TMEM132B: variants seen among roughly 807,000 people sequenced by gnomAD.
The protein encoded by TMEM132B is transmembrane protein 132B.
In TMEM132B, 18 loss-of-function variants were observed where a neutral mutation model predicts 90.8. The observed-to-expected ratio is 0.20, with a 90% CI of 0.14 to 0.29. The LOEUF (loss-of-function observed/expected upper bound fraction) is 0.29. Among genes scored for constraint, TMEM132B ranks in the 10% least tolerant of loss-of-function variants. The probability of loss-of-function intolerance (pLI) is 1.00; values close to 1 mark genes in which losing one functional copy is unlikely to be tolerated. For missense variants in TMEM132B, 1,096 were observed against 1,326.8 expected, an observed-to-expected ratio of 0.83 and a Z score of 2.70; for synonymous variants, 504 against 523.3, an observed-to-expected ratio of 0.96 and a Z score of 0.50.
chr12:125,221,465 C>T (rs115371990), intron 1 of TMEM132B, among the ~76,000 whole-genome samples: 143 of 152,138 alleles, frequency 9.4e-4, no homozygotes, highest in African/African-American at 3.4e-3. Context: ...TCCAGGCCCC[C>T]GAAAAATGTT....
At chr12:125,244,844 G>T (rs11058102) in intron 1 of TMEM132B, among the ~76,000 whole-genome samples, 1 of 152,126 alleles carries the variant, frequency 6.6e-6, no homozygotes, top group African/African-American at 2.4e-5. Flanking sequence ...CTCCTGAGCC[G>T]CTGAAAGAAG....
At chr12:125,200,682 A>G (rs1873035080) in intron 1 of TMEM132B, among the ~76,000 whole-genome samples, 1 of 152,238 alleles carries the variant, frequency 6.6e-6, no homozygotes, top group Admixed American at 6.5e-5. Flanking sequence ...TGATTGCGTG[A>G]TGGCAGAAGA....
intron 3 of TMEM132B, among the ~76,000 whole-genome samples, chr12:125,501,955 C>T (rs1057469195): frequency 6.6e-6 from 1 of 152,142 alleles, no homozygotes; most frequent in African/African-American, 2.4e-5. Context: ...AGGGTACTGT[C>T]GTAGTTCATT....
chr12:125,313,630 C>T (rs1593080275), intron 1 of TMEM132B, among the ~76,000 whole-genome samples: 1 of 81,724 alleles, frequency 1.2e-5, no homozygotes, highest in Non-Finnish European at 2.5e-5. Context: ...CTCTCCTTTC[C>T]CCTCCCCTCT....
At position 125,203,945 on chromosome 12, in the gene TMEM132B, G is replaced by A. The variant is rs147511212; in HGVS notation, c.67+17079G>A. On this transcript the variant is annotated intron_variant, in intron 1 of 8. Transcript: ENST00000682704. Reference sequence around the variant, plus strand: ...CTATCAACTCCTGTGTATAACAGGGGATTGGAATAAAAAGGGCTGAGAAGT... The same window carrying A: ...CTATCAACTCCTGTGTATAACAGGGAATTGGAATAAAAAGGGCTGAGAAGT... Among the ~76,000 whole-genome samples, 532 of 152,358 alleles carry A rather than the reference G, an allele frequency of 3.5e-3. 2 individuals carry two copies. Among genetic ancestry groups the A allele is most frequent in the African/African-American group, 0.012 (484 of 41,570 alleles).
intron 2 of TMEM132B, among the ~76,000 whole-genome samples, chr12:125,384,647 A>T (rs1878775332): frequency 1.3e-5 from 2 of 152,100 alleles, no homozygotes; most frequent in Admixed American, 6.6e-5. Flanking sequence ...AGTCTAACTG[A>T]AAGTTTCTTC....
chr12:125,268,032 G>T (rs961111635), intron 1 of TMEM132B, among the ~76,000 whole-genome samples: 2 of 152,102 alleles, frequency 1.3e-5, no homozygotes, highest in African/African-American at 4.8e-5. Context: ...GATGGCTTGA[G>T]CCCAGGAGGT....
At chr12:125,425,169 A>G (rs971571994) in intron 3 of TMEM132B, among the ~76,000 whole-genome samples, 1 of 152,206 alleles carries the variant, frequency 6.6e-6, no homozygotes, top group African/African-American at 2.4e-5. Flanking sequence ...TGGCCTGTCC[A>G]GAGCAGGTAG....
chr12:125,257,041 G>A (rs1234629922), intron 1 of TMEM132B, among the ~76,000 whole-genome samples: 1 of 152,174 alleles, frequency 6.6e-6, no homozygotes, highest in African/African-American at 2.4e-5. Context: ...AGGCCAGCAC[G>A]GTGGCTTATG....
intron 1 of TMEM132B, among the ~76,000 whole-genome samples, chr12:125,249,089 T>A (rs1874263135): frequency 6.6e-6 from 1 of 152,202 alleles, no homozygotes; most frequent in South Asian, 2.1e-4. Context: ...TCATGGTGAC[T>A]TGGGATCGGT....
chr12:125,277,567 A>T lies in TMEM132B; in HGVS notation c.68-71885A>T, dbSNP rs1875030963. On this transcript the variant is annotated intron_variant, in intron 1 of 8. Transcript: ENST00000682704. This position sits in a 1 kb window ranked among gnomAD's most constrained non-coding sequence, Gnocchi z 4.3. ...CGGGAAGGCCATGTGAAGATGCAGC[A>T]GAGATTGGAGTGACGTGCCTACATG... is the stretch of plus-strand genomic sequence containing the variant. Among the ~76,000 whole-genome samples the T allele has an allele frequency of 6.6e-6, 1 of 150,486 alleles. No individual in the cohort carries two copies. The highest frequency in any genetic ancestry group is 1.5e-5 in the Non-Finnish European group (1 of 67,704).
chr12:125,349,795 C>T lies in TMEM132B; in HGVS notation c.411C>T (p.Asn137=). The change falls in exon 2 of 9, where the codon AAC becomes AAT. Residue 137 remains asparagine (N), a synonymous_variant. Coordinates refer to ENST00000682704, the MANE Select transcript of TMEM132B (RefSeq NM_001366854.1). The surrounding 1 kb of genome is among the most constrained non-coding windows in gnomAD (Gnocchi z 4.1). ...TCCTTGACAGCTCCATCTACTCCAA[C>T]AGACCCAAAGTGCAGACCTTGTTTT... The part of the protein sequence containing the change: ...SHILDSSIYS[N]RPKVQTLFYV... 6.2e-7 allele frequency: 1 copy of T among 1,614,246 alleles called. No individual in the cohort carries two copies. Among genetic ancestry groups the T allele is most frequent in the Non-Finnish European group, 8.5e-7 (1 of 1,180,042 alleles).
At chr12:125,356,859 A>G (rs920811111) in intron 2 of TMEM132B, among the ~76,000 whole-genome samples, 1 of 152,128 alleles carries the variant, frequency 6.6e-6, no homozygotes, top group African/African-American at 2.4e-5. Context: ...TTAGCTTCCT[A>G]CTTAATCCTG....
intron 4 of TMEM132B, among the ~76,000 whole-genome samples, chr12:125,579,396 C>G (rs577361735): frequency 2.8e-4 from 42 of 150,788 alleles, no homozygotes; most frequent in Non-Finnish European, 6.2e-4. Flanking sequence ...GAGTCTCGCT[C>G]TGTGGCCCAG....
intron 6 of TMEM132B, among the ~76,000 whole-genome samples, chr12:125,650,264 G>A (rs1053635226): frequency 2.6e-5 from 4 of 152,136 alleles, no homozygotes; most frequent in African/African-American, 9.7e-5. Flanking sequence ...CATTTCCAAG[G>A]GGAGGTAGCT....
chr12:125,606,153 A>G (rs189835602), intron 5 of TMEM132B, among the ~76,000 whole-genome samples: 1 of 152,304 alleles, frequency 6.6e-6, no homozygotes, highest in Non-Finnish European at 1.5e-5. Flanking sequence ...TGTGTCCTCT[A>G]TGTGGAATCT....
intron 5 of TMEM132B, among the ~76,000 whole-genome samples, chr12:125,606,796 TA>T (rs1384876573): frequency 1.3e-5 from 2 of 152,190 alleles, no homozygotes; most frequent in East Asian, 3.9e-4. Flanking sequence ...GCACTGAACT[TA>T]GAGCGGCAGG....
At chr12:125,290,941 A>G (rs1472273876) in intron 1 of TMEM132B, among the ~76,000 whole-genome samples, 1 of 152,208 alleles carries the variant, frequency 6.6e-6, no homozygotes. Context: ...ATTGTGTTTT[A>G]TGGCACAGTT....
rs538787469 is a variant in TMEM132B at position 125,660,586 on chromosome 12, G to T, written c.*5876G>T. The T allele has an allele frequency of 1.1e-4, 16 of 152,158 alleles. No homozygotes were observed. The highest frequency in any genetic ancestry group is 1.0e-3 in the Admixed American group (16 of 15,278). 9.4% of individuals were successfully genotyped at this position (152,158 alleles called of 1,614,324 possible). ...AAAGCGCAGAAACATTTTCATCTGG[G>T]TTACTGTGTTTATAGACTATTCTAT... On this transcript the variant is annotated 3_prime_UTR_variant, in exon 9 of 9. Coordinates refer to ENST00000682704, the MANE Select transcript of TMEM132B (RefSeq NM_001366854.1).
Sources: allele counts gnomAD v4.1 joint callset (sites outside exome capture counted in the v4.1 genomes callset), GRCh38; gene constraint gnomAD v4.1.1; non-coding constraint Gnocchi (gnomAD v3.1); transcripts MANE v1.5; gene names NCBI Gene and HGNC (gene_info 2026-07-23, HGNC 2026-07-21).